Variants in SUCLG2 observed in about 807,000 individuals in gnomAD.
SUCLG2 encodes the protein succinate-CoA ligase GDP-forming subunit beta, also known as succinate--CoA ligase [GDP-forming] subunit beta, mitochondrial.
SUCLG2 carries 42 observed loss-of-function variants against 47.9 expected under a neutral mutation model. The ratio of observed to expected loss-of-function variants is 0.88; its 90% CI spans 0.69 to 1.14. The LOEUF (loss-of-function observed/expected upper bound fraction) is 1.14, where lower values mean the gene tolerates loss of function less well. Ranked by LOEUF, SUCLG2 falls within the 50% of genes most tolerant of loss-of-function variation. SUCLG2 has a pLI of 0.00. For synonymous variants in SUCLG2, 195 were observed against 197.3 expected (o/e 0.99, Z 0.10); for missense variants, 571 against 525.9 (o/e 1.09, Z -0.84).
At chr3:67,614,067 A>G (rs1700580978) in intron 1 of SUCLG2, among the ~76,000 whole-genome samples, 1 of 152,154 alleles carries the variant, frequency 6.6e-6, no homozygotes, top group Non-Finnish European at 1.5e-5. Context: ...TCCTAGGAAG[A>G]GCTACCTGTT....
chr3:67,548,458 A>G (rs564753263), intron 2 of SUCLG2, among the ~76,000 whole-genome samples: 267 of 152,364 alleles, frequency 1.8e-3, no homozygotes, highest in Non-Finnish European at 3.2e-3. Context: ...GCATCAGTAC[A>G]GTTAAACTCT....
intron 1 of SUCLG2, among the ~76,000 whole-genome samples, chr3:67,653,594 T>C (rs1701325918): frequency 6.6e-6 from 1 of 152,220 alleles, no homozygotes; most frequent in Non-Finnish European, 1.5e-5. Context: ...CTCTCATCAA[T>C]TAAAAATGGG....
intron 2 of SUCLG2, among the ~76,000 whole-genome samples, chr3:67,534,037 G>C (rs1328154191): frequency 6.6e-6 from 1 of 152,118 alleles, no homozygotes; most frequent in Non-Finnish European, 1.5e-5. Flanking sequence ...GCCCATCAGA[G>C]ATTTGAATCG....
At chr3:67,425,554 C>T (rs1207740616) in intron 9 of SUCLG2, among the ~76,000 whole-genome samples, 2 of 152,190 alleles carry the variant, frequency 1.3e-5, no homozygotes, top group African/African-American at 4.8e-5. Context: ...GATTTGCTCT[C>T]TCTGTGTGAT....
Position 67,481,213 on chromosome 3 carries a change from G to C in SUCLG2, c.1062+14585C>G, listed in dbSNP as rs186920041. On this transcript the variant is annotated intron_variant, in intron 9 of 10. Transcript: ENST00000307227. ...ATGGCAAGGGTAATTAGCAATACAAGTTTCTAAATGCTTATTCTCAGTATC... is the reference window on the plus strand; with the variant it reads ...ATGGCAAGGGTAATTAGCAATACAACTTTCTAAATGCTTATTCTCAGTATC... Among the ~76,000 whole-genome samples, 88 of 152,284 alleles carry C rather than the reference G, an allele frequency of 5.8e-4. 2 individuals carry two copies. The highest frequency in any genetic ancestry group is 1.9e-3 in the African/African-American group (81 of 41,580).
rs151025115 is a variant in SUCLG2, at chr3:67,499,152, T to A, written c.758-857A>T. Among the ~76,000 whole-genome samples, 336 of 151,740 alleles carry A rather than the reference T, an allele frequency of 2.2e-3. 1 individual carries two copies. Among genetic ancestry groups the A allele is most frequent in the Non-Finnish European group, 3.8e-3 (255 of 67,918 alleles). On this transcript the variant is annotated intron_variant, in intron 7 of 10. Coordinates refer to ENST00000307227, the MANE Select transcript of SUCLG2 (RefSeq NM_003848.4). Reference sequence around the variant, plus strand: ...AGTGAAATAATTAAACACAGTGAAATGATTACTACACTGAAGCAAATTAAC... The same window carrying A: ...AGTGAAATAATTAAACACAGTGAAAAGATTACTACACTGAAGCAAATTAAC...
At chr3:67,425,102 C>A (rs1192688378) in intron 9 of SUCLG2, among the ~76,000 whole-genome samples, 1 of 152,108 alleles carries the variant, frequency 6.6e-6, no homozygotes, top group South Asian at 2.1e-4. Flanking sequence ...AATTCAATGT[C>A]ATATAAGATT....
Position 67,646,274 on chromosome 3 carries a change from T to G in SUCLG2, c.84+8229A>C, listed in dbSNP as rs578112907. On this transcript the variant is annotated intron_variant, in intron 1 of 10. Coordinates refer to ENST00000307227, the MANE Select transcript of SUCLG2 (RefSeq NM_003848.4). ...CCACAGACAATAAGATGGGGGTGGA[T>G]CCCTTACTTAAAACCAGACAATATC... 4.7e-3 allele frequency among the ~76,000 whole-genome samples: 717 copies of G among 152,154 alleles called. 12 individuals carry two copies. Among genetic ancestry groups the G allele is most frequent in the African/African-American group, 0.016 (663 of 41,524 alleles).
At chr3:67,395,784 C>T (rs1316722310) in intron 10 of SUCLG2, among the ~76,000 whole-genome samples, 1 of 152,104 alleles carries the variant, frequency 6.6e-6, no homozygotes, top group South Asian at 2.1e-4. Flanking sequence ...AAGCTCTCCT[C>T]AGCTAAAGTA....
intron 2 of SUCLG2, among the ~76,000 whole-genome samples, chr3:67,602,483 T>G (rs1708441566): frequency 6.6e-6 from 1 of 151,740 alleles, no homozygotes; most frequent in African/African-American, 2.4e-5. Context: ...ACAAGACACT[T>G]AGGGAAAAGA....
intron 2 of SUCLG2, among the ~76,000 whole-genome samples, chr3:67,568,683 C>T (rs1178924025): frequency 6.6e-6 from 1 of 152,010 alleles, no homozygotes; most frequent in South Asian, 2.1e-4. Flanking sequence ...GTCAGGAGAT[C>T]GAGACCATCC....
intron 1 of SUCLG2, among the ~76,000 whole-genome samples, chr3:67,628,789 C>T (rs935417231): frequency 6.6e-6 from 1 of 152,166 alleles, no homozygotes; most frequent in African/African-American, 2.4e-5. Flanking sequence ...AACTGTGAGT[C>T]CACTAAACCT....
At chr3:67,384,582 G>A (rs1197375107) in intron 10 of SUCLG2, among the ~76,000 whole-genome samples, 4 of 152,174 alleles carry the variant, frequency 2.6e-5, no homozygotes, top group African/African-American at 9.7e-5. Flanking sequence ...CTGGCCTTGT[G>A]GCTAAAGGGT....
intron 1 of SUCLG2, among the ~76,000 whole-genome samples, chr3:67,612,686 C>A (rs1700551548): frequency 6.6e-6 from 1 of 152,176 alleles, no homozygotes; most frequent in African/African-American, 2.4e-5. Flanking sequence ...CTAGGCACTT[C>A]CTTACTTCAG....
intron 10 of SUCLG2, among the ~76,000 whole-genome samples, chr3:67,381,202 AT>A (rs1466041761): frequency 3.1e-5 from 1 of 32,472 alleles, no homozygotes; most frequent in Non-Finnish European, 7.3e-5. Context: ...AAATAAATAA[AT>A]AAAATAAAAT....
chr3:67,477,162 C>T (rs1001745138), intron 9 of SUCLG2, among the ~76,000 whole-genome samples: 1 of 152,286 alleles, frequency 6.6e-6, no homozygotes, highest in South Asian at 2.1e-4. Context: ...ATCACCTGAA[C>T]AGCTTCAAAA....
chr3:67,544,641 C>T (rs1318159748), intron 2 of SUCLG2, among the ~76,000 whole-genome samples: 1 of 152,064 alleles, frequency 6.6e-6, no homozygotes, highest in African/African-American at 2.4e-5. Context: ...ACTTGGCCAA[C>T]GTCATGAGGA....
intron 2 of SUCLG2, among the ~76,000 whole-genome samples, chr3:67,593,767 A>T (rs184127573): frequency 6.6e-6 from 1 of 152,346 alleles, no homozygotes; most frequent in East Asian, 1.9e-4. Context: ...AATCAAGAGC[A>T]GTTGGTCACC....
At chr3:67,462,402 T>C (rs74356086) in intron 9 of SUCLG2, among the ~76,000 whole-genome samples, 13,019 of 152,186 alleles carry the variant, frequency 0.086, 702 homozygotes, top group East Asian at 0.2. Flanking sequence ...CCACTCAGTC[T>C]ACTAGCATTA....
Sources: gnomAD v4.1 joint callset for allele counts (sites outside exome capture counted in the v4.1 genomes callset) on GRCh38, gnomAD v4.1.1 for gene constraint, MANE v1.5 for transcripts, NCBI Gene and HGNC (gene_info 2026-07-23, HGNC 2026-07-21) for gene names.